ADAMTS18: variants seen among roughly 807,000 people sequenced by gnomAD.
ADAMTS18 encodes the protein A disintegrin and metalloproteinase with thrombospondin motifs 18.
Under a neutral mutation model 165.9 loss-of-function variants are expected in ADAMTS18, and 157 were observed. That is an observed-to-expected ratio of 0.95 (90% CI 0.83 to 1.08). The LOEUF (loss-of-function observed/expected upper bound fraction) is 1.08. ADAMTS18 is among the 50% of genes least tolerant of loss of function. ADAMTS18 has a pLI of 0.00. For missense variants in ADAMTS18, 2,040 were observed against 1,534.0 expected, an observed-to-expected ratio of 1.33 and a Z score of -5.51; for synonymous variants, 782 against 578.2, an observed-to-expected ratio of 1.35 and a Z score of -5.06.
intron 22 of ADAMTS18, among the ~76,000 whole-genome samples, 182 bp downstream of exon 22, chr16:77,289,082 T>C (rs2055311724): frequency 6.6e-6 from 1 of 152,146 alleles, no homozygotes; most frequent in South Asian, 2.1e-4. Flanking sequence ...AAAAGATTAT[T>C]TGGACAGCAA....
chr16:77,394,965 T>C (rs866307265), intron 3 of ADAMTS18, among the ~76,000 whole-genome samples: 9 of 152,298 alleles, frequency 5.9e-5, no homozygotes, highest in Middle Eastern at 6.8e-3. Flanking sequence ...ACCATTTCTA[T>C]CTAGGCTCTC....
At chr16:77,395,079 T>A (rs2057238957) in intron 3 of ADAMTS18, among the ~76,000 whole-genome samples, 1 of 152,216 alleles carries the variant, frequency 6.6e-6, no homozygotes, top group Admixed American at 6.5e-5. Context: ...ACTTTATTTC[T>A]GGTCCAAGGA....
chr16:77,393,496 A>G (rs903665855), intron 3 of ADAMTS18, among the ~76,000 whole-genome samples: 5 of 152,188 alleles, frequency 3.3e-5, no homozygotes, highest in Non-Finnish European at 7.3e-5. Context: ...AATCACCAAG[A>G]TGATGGTCTT....
intron 4 of ADAMTS18, 27 bp from the exon 5 acceptor site, chr16:77,364,408 A>G: frequency 1.2e-6 from 2 of 1,610,146 alleles, no homozygotes; most frequent in South Asian, 1.1e-5. Flanking sequence ...AGCATTTGGA[A>G]GGGATATTAG....
chr16:77,388,856 C>T (rs752883303), intron 3 of ADAMTS18, among the ~76,000 whole-genome samples: 2 of 152,176 alleles, frequency 1.3e-5, no homozygotes, highest in Non-Finnish European at 2.9e-5. Context: ...TCATGCCTAA[C>T]AGATTCTGAA....
At chr16:77,421,988 A>T (rs905349252) in intron 3 of ADAMTS18, among the ~76,000 whole-genome samples, 1 of 152,190 alleles carries the variant, frequency 6.6e-6, no homozygotes, top group African/African-American at 2.4e-5. Flanking sequence ...CCCCCACCAA[A>T]CAAGATGTTT....
chr16:77,402,676 TAA>T, intron 3 of ADAMTS18, among the ~76,000 whole-genome samples: 1 of 152,234 alleles, frequency 6.6e-6, no homozygotes, highest in Admixed American at 6.5e-5. Context: ...CTTGAATAAT[TAA>T]AGACTAATGA....
intron 3 of ADAMTS18, among the ~76,000 whole-genome samples, chr16:77,401,907 G>C (rs927753892): frequency 6.6e-6 from 1 of 152,184 alleles, no homozygotes; most frequent in Non-Finnish European, 1.5e-5. Context: ...ACTTACATCA[G>C]CAGCCCCCAC....
At chr16:77,343,567 C>T (rs1034328913) in intron 10 of ADAMTS18, among the ~76,000 whole-genome samples, 2 of 152,218 alleles carry the variant, frequency 1.3e-5, no homozygotes, top group Admixed American at 1.3e-4. Context: ...GCTTCTGATG[C>T]TGTTGAACTT....
chr16:77,356,335 G>T (rs939938861), intron 8 of ADAMTS18, among the ~76,000 whole-genome samples: 1 of 152,112 alleles, frequency 6.6e-6, no homozygotes, highest in Non-Finnish European at 1.5e-5. Context: ...ATGTTTTATG[G>T]GCTGGAAAAT....
chr16:77,363,915 C>G (rs758418506), intron 5 of ADAMTS18, 30 bp from the exon 6 acceptor site: 19 of 1,609,908 alleles, frequency 1.2e-5, no homozygotes, highest in Non-Finnish European at 1.5e-5. Flanking sequence ...CAAACAAAAT[C>G]TCAAAATTTT....
chr16:77,331,578 A>G (rs571157121), intron 12 of ADAMTS18, among the ~76,000 whole-genome samples: 42 of 152,326 alleles, frequency 2.8e-4, no homozygotes, highest in African/African-American at 9.9e-4. Context: ...GGGCCTGATT[A>G]CATCTGTGAG....
At chr16:77,380,035 C>T (rs928927425) in intron 3 of ADAMTS18, among the ~76,000 whole-genome samples, 1 of 152,134 alleles carries the variant, frequency 6.6e-6, no homozygotes, top group African/African-American at 2.4e-5. Flanking sequence ...AAAAAGGTTC[C>T]AAAAGTCTTG....
chr16:77,418,870 G>A (rs953106036), intron 3 of ADAMTS18, among the ~76,000 whole-genome samples: 8 of 152,164 alleles, frequency 5.3e-5, no homozygotes, highest in East Asian at 1.9e-4. Context: ...CCAATTATTC[G>A]CCGAGTGCGG....
chr16:77,419,827 C>T (rs1443731752), intron 3 of ADAMTS18, among the ~76,000 whole-genome samples: 1 of 151,580 alleles, frequency 6.6e-6, no homozygotes, highest in Non-Finnish European at 1.5e-5. Flanking sequence ...GGTGAAACCC[C>T]GTCTCTACTA....
chr16:77,359,317 C>G lies in ADAMTS18; in HGVS notation c.1322+1G>C, dbSNP rs2056676245. The G allele has an allele frequency of 6.2e-7, 1 of 1,613,144 alleles. No homozygotes were observed. Among genetic ancestry groups the G allele is most frequent in the Non-Finnish European group, 8.5e-7 (1 of 1,179,520 alleles). ...AAGTAGTGGTTCAAAGAGGCACTTACTTGTGCCCTGACTCATGAGCGATGG... is the reference window on the plus strand; with the variant it reads ...AAGTAGTGGTTCAAAGAGGCACTTAGTTGTGCCCTGACTCATGAGCGATGG... On this transcript the variant is annotated splice_donor_variant, in intron 8 of 22. Transcript: ENST00000282849. LOFTEE classifies it high-confidence loss of function.
chr16:77,364,724 AG>A (rs1460202452), intron 4 of ADAMTS18, among the ~76,000 whole-genome samples: 1 of 141,092 alleles, frequency 7.1e-6, no homozygotes, highest in Non-Finnish European at 1.5e-5. Flanking sequence ...ATGCTCTAAA[AG>A]GAAAAAAAAA....
intron 3 of ADAMTS18, among the ~76,000 whole-genome samples, chr16:77,419,235 T>G (rs1022031273): frequency 6.6e-6 from 1 of 152,180 alleles, no homozygotes; most frequent in Non-Finnish European, 1.5e-5. Context: ...CTTAGGGTCT[T>G]CAGGATGTCA....
chr16:77,386,125 T>G (rs976072315), intron 3 of ADAMTS18, among the ~76,000 whole-genome samples: 1 of 152,160 alleles, frequency 6.6e-6, no homozygotes, highest in African/African-American at 2.4e-5. Context: ...TAACTTGCCG[T>G]GATACAAAGT....
Sources: allele counts gnomAD v4.1 joint callset (sites outside exome capture counted in the v4.1 genomes callset), GRCh38; gene constraint gnomAD v4.1.1; transcripts MANE v1.5; gene names NCBI Gene and HGNC (gene_info 2026-07-23, HGNC 2026-07-21).